ALDH8A1: variants seen among roughly 807,000 people sequenced by gnomAD.
ALDH8A1 encodes 2-aminomuconic semialdehyde dehydrogenase.
ALDH8A1 carries 39 observed loss-of-function variants against 43.3 expected under a neutral mutation model. The ratio of observed to expected loss-of-function variants is 0.90; its 90% confidence interval spans 0.70 to 1.18. The LOEUF is 1.18. ALDH8A1 is among the 50% of genes most tolerant of loss of function. The pLI is 0.00. For missense variants in ALDH8A1, 605 were observed against 622.6 expected (o/e 0.97, Z 0.30); for synonymous variants, 233 against 243.5 (o/e 0.96, Z 0.40).
chr6:134,918,860 C>A lies in ALDH8A1; in HGVS notation c.1019G>T (p.Ser340Ile). 1.2e-6 allele frequency: 2 copies of A among 1,613,042 alleles called. No individual in the cohort carries two copies. Among genetic ancestry groups the A allele is most frequent in the Non-Finnish European group, 1.7e-6 (2 of 1,179,052 alleles). The change falls in exon 7 of 7, where the codon AGT becomes ATT. Residue 340 changes from serine to isoleucine, a missense_variant. Ser to Ile is a moderately radical substitution (Grantham distance 142). Coordinates refer to ENST00000265605, the MANE Select transcript of ALDH8A1 (RefSeq NM_022568.4). ...TTCAGCAAGAGCTCTCTTGACGTAA[C>A]TTCTGACCTGCGTGGGTAAAAATCA... is the stretch of plus-strand genomic sequence containing the variant. ...ISKAHLEKVR[S>I]YVKRALAEGA...
At chr6:134,931,227 C>T (rs2114690021) in intron 5 of ALDH8A1, among the ~76,000 whole-genome samples, 1 of 152,236 alleles carries the variant, frequency 6.6e-6, no homozygotes, top group African/African-American at 2.4e-5. Flanking sequence ...GAGAAGATTA[C>T]ACTTCTTATC....
chr6:134,941,724 C>T (rs1398911957), intron 3 of ALDH8A1, among the ~76,000 whole-genome samples: 2 of 151,748 alleles, frequency 1.3e-5, no homozygotes, highest in South Asian at 2.1e-4. Flanking sequence ...GGGGTTTCAC[C>T]ATGGTGGCCA....
intron 5 of ALDH8A1, among the ~76,000 whole-genome samples, chr6:134,929,990 G>T (rs1776956078): frequency 6.6e-6 from 1 of 152,186 alleles, no homozygotes; most frequent in Non-Finnish European, 1.5e-5. Flanking sequence ...GGACCAGGGA[G>T]GCATCCATGG....
At chr6:134,932,751 G>C (rs2114692088) in intron 5 of ALDH8A1, 25 bp downstream of exon 5, 1 of 1,609,272 alleles carries the variant, frequency 6.2e-7, no homozygotes, top group Admixed American at 1.7e-5. Flanking sequence ...ATGGAGGGGA[G>C]GGAGAAGAAC....
intron 6 of ALDH8A1, among the ~76,000 whole-genome samples, chr6:134,928,198 C>A (rs539963820): frequency 3.3e-5 from 5 of 152,304 alleles, no homozygotes; most frequent in South Asian, 4.1e-4. Context: ...CCTTCAACAC[C>A]TTTTCCCCTC....
In ALDH8A1 at chr6:134,918,820, C is replaced by A; in HGVS notation, c.1059G>T (p.Trp353Cys). Residue 353 changes from tryptophan (W) to cysteine (C), a missense_variant, in exon 7 of 7, where the codon TGG becomes TGT. By Grantham distance (215) the Trp-to-Cys change is radical. Coordinates refer to ENST00000265605, the MANE Select transcript of ALDH8A1 (RefSeq NM_022568.4). ...TCAACTTATCCACTCCCTCACCGCA[C>A]CAAATTTGGGCACCTTCAGCAAGAG... is the stretch of plus-strand genomic sequence containing the variant. ...KRALAEGAQI[W>C]CGEGVDKLSL... 6.2e-7 allele frequency: 1 copy of A among 1,614,210 alleles called. No homozygotes were observed. The highest frequency in any genetic ancestry group is 8.5e-7 in the Non-Finnish European group (1 of 1,180,022).
In ALDH8A1 at chr6:134,932,787, A is replaced by G. The variant is rs1243535040; in HGVS notation, c.838T>C (p.Phe280Leu). Residue 280 changes from phenylalanine to leucine, a missense_variant, in exon 5 of 7, where the codon TTT (phenylalanine) becomes CTT (leucine). Phe to Leu is a conservative substitution (Grantham distance 22, BLOSUM62 0). Transcript: ENST00000265605. The part of the protein sequence containing the change: ...ECIPATVRSS[F>L]ANQGEICLCT... ...CCCCGGGGACATACCTGGTTGGCAA[A>G]GCTGGACCTGACGGTTGCCGGAATG... 1 of 1,614,160 alleles carries G rather than the reference A, an allele frequency of 6.2e-7. No individual in the cohort carries two copies.
At chr6:134,934,214 GAAACCTTAA>G (rs1261421608) in intron 4 of ALDH8A1, among the ~76,000 whole-genome samples, 2 of 152,152 alleles carry the variant, frequency 1.3e-5, no homozygotes, top group Non-Finnish European at 2.9e-5. Flanking sequence ...CGATCCCAGA[GAAACCTTAA>G]AAACTGAGTT....
intron 2 of ALDH8A1, 118 bp from the exon 3 acceptor site, chr6:134,942,682 G>A (rs947154612): frequency 7.9e-6 from 8 of 1,014,722 alleles, no homozygotes; most frequent in Non-Finnish European, 9.9e-6. Context: ...TCTAGCCCGG[G>A]GCAGGCATTC....
chr6:134,930,732 C>T (rs1368104309), intron 5 of ALDH8A1, among the ~76,000 whole-genome samples: 1 of 152,158 alleles, frequency 6.6e-6, no homozygotes, highest in African/African-American at 2.4e-5. Context: ...GAGAGCATGA[C>T]GAAGAGGCTA....
chr6:134,931,212 T>C (rs1776980311), intron 5 of ALDH8A1, among the ~76,000 whole-genome samples: 1 of 152,154 alleles, frequency 6.6e-6, no homozygotes. Context: ...ACAATTCTGG[T>C]AGGAGAGAAG....
intron 3 of ALDH8A1, among the ~76,000 whole-genome samples, chr6:134,941,821 C>A (rs1773860246): frequency 6.6e-6 from 1 of 152,050 alleles, no homozygotes; most frequent in African/African-American, 2.4e-5. Flanking sequence ...CTGCGCCCAG[C>A]CTGATTTTTC....
chr6:134,932,827 G>GAGAAT lies in ALDH8A1; in HGVS notation c.797_798insATTCT (p.Asn267PhefsTer40), dbSNP rs1382401045. The GAGAAT allele has an allele frequency of 6.2e-7, 1 of 1,614,234 alleles. No individual in the cohort carries two copies. The highest frequency in any genetic ancestry group is 2.2e-5 in the East Asian group (1 of 44,882). On this transcript the variant is annotated frameshift_variant, in exon 5 of 7. Coordinates refer to ENST00000265605, the MANE Select transcript of ALDH8A1 (RefSeq NM_022568.4). LOFTEE classifies it high-confidence loss of function. ...TTGCCGGAATGCACTCATCCAGGTTGGCGTCCTCAAAGATGATGGCAGGAT... is the reference window on the plus strand; with the variant it reads ...TTGCCGGAATGCACTCATCCAGGTTGAGAATGCGTCCTCAAAGATGATGGCAGGAT...
At chr6:134,942,612 C>G (rs373196748) in intron 2 of ALDH8A1, 48 bp from the exon 3 acceptor site, 3 of 1,567,594 alleles carry the variant, frequency 1.9e-6, no homozygotes, top group Non-Finnish European at 1.7e-6. Flanking sequence ...TGGGGACACT[C>G]TATCCATCAG....
Position 134,932,857 on chromosome 6 carries a change from G to T in ALDH8A1, c.768C>A (p.Gly256=). The T allele has an allele frequency of 6.2e-7, 1 of 1,614,174 alleles. No homozygotes were observed. Among genetic ancestry groups the T allele is most frequent in the African/African-American group, 1.3e-5 (1 of 75,040 alleles). Residue 256 remains glycine, a synonymous_variant, in exon 5 of 7, where the codon GGC becomes GGA. Transcript: ENST00000265605. ...CCTCAAAGATGATGGCAGGATTCTTGCCCCCCAGCTCCAGGGAGAGCTTTT... is the reference window on the plus strand; with the variant it reads ...CCTCAAAGATGATGGCAGGATTCTTTCCCCCCAGCTCCAGGGAGAGCTTTT... ...HCKKLSLELG[G]KNPAIIFEDA...
intron 6 of ALDH8A1, among the ~76,000 whole-genome samples, chr6:134,927,756 C>T (rs1001729875): frequency 9.9e-5 from 15 of 152,094 alleles, no homozygotes; most frequent in African/African-American, 3.6e-4. Context: ...CTGAAAGGTA[C>T]TCTAGGAGGT....
intron 6 of ALDH8A1, among the ~76,000 whole-genome samples, 197 bp downstream of exon 6, chr6:134,928,857 A>G (rs1776929318): frequency 6.6e-6 from 1 of 152,172 alleles, no homozygotes; most frequent in Non-Finnish European, 1.5e-5. Flanking sequence ...ATGTGGATGC[A>G]CTTTCACCGG....
chr6:134,934,704 A>G (rs1583029793), intron 4 of ALDH8A1, among the ~76,000 whole-genome samples: 1 of 152,100 alleles, frequency 6.6e-6, no homozygotes. Context: ...AATCTCTTGA[A>G]CCCAGGAGGC....
intron 6 of ALDH8A1, among the ~76,000 whole-genome samples, chr6:134,922,761 G>T (rs1221522755): frequency 6.6e-6 from 1 of 152,144 alleles, no homozygotes; most frequent in Non-Finnish European, 1.5e-5. Flanking sequence ...AGCTTTCTGA[G>T]ATGAGTGCAA....
Sources: allele counts gnomAD v4.1 joint callset (sites outside exome capture counted in the v4.1 genomes callset), GRCh38; gene constraint gnomAD v4.1.1; transcripts MANE v1.5; gene names NCBI Gene and HGNC (gene_info 2026-07-23, HGNC 2026-07-21).